Variants in CHD5 observed in about 807,000 individuals in gnomAD.
The protein encoded by CHD5 is ATP-dependent chromatin remodeler CHD5.
CHD5 carries 69 observed loss-of-function variants against 230.3 expected under a neutral mutation model. That is an observed-to-expected ratio of 0.30 (90% confidence interval 0.25 to 0.37). CHD5 has a LOEUF of 0.37. Ranked by LOEUF, CHD5 falls within the 10% of genes least tolerant of loss-of-function variation. CHD5 has a pLI of 1.00. For synonymous variants in CHD5, 1,064 were observed against 1,065.9 expected (o/e 1.00, Z 0.03); for missense variants, 1,827 against 2,622.8 (o/e 0.70, Z 6.63).
intron 9 of CHD5, among the ~76,000 whole-genome samples, chr1:6,148,598 TCAC>T (rs1426660204): frequency 2.6e-5 from 4 of 152,118 alleles, no homozygotes; most frequent in Non-Finnish European, 5.9e-5. Flanking sequence ...GTTGGCATGA[TCAC>T]CACACCTGTC....
intron 1 of CHD5, among the ~76,000 whole-genome samples, chr1:6,173,108 CTTT>C (rs371953368): frequency 4.3e-5 from 6 of 138,078 alleles, no homozygotes; most frequent in Admixed American, 2.2e-4. Flanking sequence ...GGCGTTATTT[CTTT>C]TTTTTTTTTT....
intron 34 of CHD5, 52 bp downstream of exon 34, chr1:6,112,857 C>T: frequency 7.4e-7 from 1 of 1,355,330 alleles, no homozygotes; most frequent in East Asian, 2.3e-5. Context: ...GTCCAGAGGG[C>T]ACCCTCAAGG....
intron 2 of CHD5, among the ~76,000 whole-genome samples, chr1:6,163,904 G>T (rs982828190): frequency 2.6e-5 from 4 of 152,228 alleles, no homozygotes; most frequent in African/African-American, 7.2e-5. Context: ...GACTACAGGG[G>T]ACGCCCTACC....
chr1:6,139,259 T>C (rs1317681383), intron 15 of CHD5, among the ~76,000 whole-genome samples: 1 of 152,198 alleles, frequency 6.6e-6, no homozygotes. Context: ...GTTTTGGTTT[T>C]TCTGAGACAG....
chr1:6,154,880 C>A lies in CHD5; in HGVS notation c.525G>T (p.Lys175Asn). Residue 175 changes from lysine (K) to asparagine (N), a missense_variant, in exon 5 of 42, where the codon AAG becomes AAT. This residue lies in a region of CHD5 where 657 missense variants were observed against 816.4 expected (regional missense o/e 0.80). Transcript: ENST00000262450. The surrounding 1 kb of genome is among the most constrained non-coding windows in gnomAD (Gnocchi z 7.0). The part of the protein sequence containing the change: ...SQFLRPLIAK[K>N]NPKIPMSKMM... ...TTTTGGACATGGGGATCTTCGGGTT[C>A]TTCTTGGCAATGAGTGGCCTGTAGG... 1 of 1,613,674 alleles carries A rather than the reference C, an allele frequency of 6.2e-7. No individual in the cohort carries two copies.
chr1:6,141,967 T>C (rs1473835550), intron 15 of CHD5, among the ~76,000 whole-genome samples, 161 bp downstream of exon 15: 1 of 152,184 alleles, frequency 6.6e-6, no homozygotes, highest in Non-Finnish European at 1.5e-5. Context: ...CCCAGAAAAC[T>C]GACATGGCTG....
intron 33 of CHD5, among the ~76,000 whole-genome samples, chr1:6,118,608 T>C (rs1463267927): frequency 6.6e-6 from 1 of 152,150 alleles, no homozygotes; most frequent in Non-Finnish European, 1.5e-5. Flanking sequence ...AAGAAGAATT[T>C]ATTTTTGAAG....
At chr1:6,119,864 ATTT>A (rs57522479) in intron 33 of CHD5, among the ~76,000 whole-genome samples, 8,498 of 137,364 alleles carry the variant, frequency 0.062, 432 homozygotes, top group East Asian at 0.25. Context: ...ATATATATAT[ATTT>A]TTTTTTTTTC....
chr1:6,135,191 G>A, intron 18 of CHD5, 39 bp downstream of exon 18: 2 of 1,612,230 alleles, frequency 1.2e-6, no homozygotes, highest in Admixed American at 3.3e-5. Context: ...CAGGGGAAAG[G>A]GCGAGCACAG....
At chr1:6,106,587 C>A in intron 39 of CHD5, 29 bp downstream of exon 39, 1 of 1,550,802 alleles carries the variant, frequency 6.4e-7, no homozygotes, top group Non-Finnish European at 8.7e-7. Context: ...CCAGGGGGCT[C>A]GGGCCGGGGC....
chr1:6,107,110 A>G (rs1666190431), intron 38 of CHD5, among the ~76,000 whole-genome samples: 2 of 128,512 alleles, frequency 1.6e-5, no homozygotes, highest in South Asian at 2.9e-4. Context: ...GGAGGGGTGG[A>G]AGGACGGAGG....
Position 6,130,116 on chromosome 1 carries a change from A to T in CHD5, c.3387+88T>A. On this transcript the variant is annotated intron_variant, in intron 22 of 41. Transcript: ENST00000262450. This position sits in a 1 kb window ranked among gnomAD's most constrained non-coding sequence, Gnocchi z 4.9. ...CAGCACCAGGATAGGTGAGGGGGTG[A>T]TGGCAAGAAGGGCATGAAGGACAGA... 2 of 1,486,004 alleles carry T rather than the reference A, an allele frequency of 1.3e-6. No individual in the cohort carries two copies. Among genetic ancestry groups the T allele is most frequent in the Non-Finnish European group, 1.9e-6 (2 of 1,077,878 alleles). The allele number at this position is 1,486,004 out of a possible 1,614,324, so 92.1% of individuals were successfully genotyped here.
At position 6,129,886 on chromosome 1, in the gene CHD5, C is replaced by T. The variant is rs1010778993; in HGVS notation, c.3387+318G>A. Among the ~76,000 whole-genome samples the T allele has an allele frequency of 6.6e-6, 1 of 152,176 alleles. No homozygotes were observed. The highest frequency in any genetic ancestry group is 1.5e-5 in the Non-Finnish European group (1 of 68,016). ...CCCAGGGCTCCCTCTTCCTGCCTCC[C>T]TCCACGGCCTTGGTCCTGAGGATGA... is the stretch of plus-strand genomic sequence containing the variant. On this transcript the variant is annotated intron_variant, in intron 22 of 41. Transcript: ENST00000262450. This position sits in a 1 kb window ranked among gnomAD's most constrained non-coding sequence, Gnocchi z 6.8.
Position 6,102,141 on chromosome 1 carries a change from CT to C in CHD5, c.*3332del. 3.3e-6 allele frequency: 1 copy of C among 302,868 alleles called. No individual in the cohort carries two copies. The allele number at this position is 302,868 out of a possible 1,614,324, so 18.8% of individuals were successfully genotyped here. The stretch of plus-strand genomic sequence containing the variant: ...CCCCACGGGCCAGTGGGGACCCTCC[CT>C]TCCTCTCCAGGGGTGCTTGGGCTCC... On this transcript the variant is annotated 3_prime_UTR_variant, in exon 42 of 42. Transcript: ENST00000262450.
chr1:6,115,452 G>A (rs1486415253), intron 33 of CHD5, among the ~76,000 whole-genome samples: 1 of 152,142 alleles, frequency 6.6e-6, no homozygotes, highest in African/African-American at 2.4e-5. Flanking sequence ...ACAGGGAGAT[G>A]ACCTGAGTAG....
At position 6,121,952 on chromosome 1, in the gene CHD5, G is replaced by T. The variant is rs1666479320; in HGVS notation, c.4700-379C>A. Among the ~76,000 whole-genome samples the T allele has an allele frequency of 6.6e-6, 1 of 152,220 alleles. No homozygotes were observed. Among genetic ancestry groups the T allele is most frequent in the African/African-American group, 2.4e-5 (1 of 41,456 alleles). On this transcript the variant is annotated intron_variant, in intron 31 of 41. Coordinates refer to ENST00000262450, the MANE Select transcript of CHD5 (RefSeq NM_015557.3). The surrounding 1 kb of genome is among the most constrained non-coding windows in gnomAD (Gnocchi z 4.5). ...GCTGGTGTGTGCCTCTGGACAGGGG[G>T]TGAATTTCCTCCCTGCCAAGCCAGC...
At position 6,105,448 on chromosome 1, in the gene CHD5, G is replaced by C. The variant is rs572608192; in HGVS notation, c.*47-21C>G. ...CGTGGCTGCAAAACGCAAATCAGTG[G>C]GTTAAGCAGGTGGGCAGTTATAGGG... On this transcript the variant is annotated intron_variant, in intron 41 of 41. Transcript: ENST00000262450. The surrounding 1 kb of genome is among the most constrained non-coding windows in gnomAD (Gnocchi z 4.8). 6.4e-6 allele frequency: 3 copies of C among 469,950 alleles called. No homozygotes were observed. In the East Asian group the frequency reaches 2.1e-4, roughly 33 times the overall value. 29.1% of individuals were successfully genotyped at this position (469,950 alleles called of 1,614,324 possible). A position where few individuals can be genotyped will look rare whatever the true frequency, so the allele number is the denominator to read the frequency against.
chr1:6,117,298 A>G (rs950905277), intron 33 of CHD5, among the ~76,000 whole-genome samples: 6 of 152,250 alleles, frequency 3.9e-5, no homozygotes, highest in African/African-American at 1.4e-4. Flanking sequence ...TTAAATGATG[A>G]ATCCCCTATA....
rs1666133062 is a variant in CHD5, at chr1:6,104,699, A to G, written c.*775T>C. Reference sequence around the variant, plus strand: ...CCGGGGCCACAGGCCCCCCACTGGTAACAGAGTCCAGGGCCTTCAAGATGC... The same window carrying G: ...CCGGGGCCACAGGCCCCCCACTGGTGACAGAGTCCAGGGCCTTCAAGATGC... On this transcript the variant is annotated 3_prime_UTR_variant, in exon 42 of 42. Coordinates refer to ENST00000262450, the MANE Select transcript of CHD5 (RefSeq NM_015557.3). 1 of 142,070 alleles carries G rather than the reference A, an allele frequency of 7.0e-6. No homozygotes were observed. The highest frequency in any genetic ancestry group is 2.6e-5 in the African/African-American group (1 of 38,010). 8.8% of individuals were successfully genotyped at this position (142,070 alleles called of 1,614,324 possible).
Sources: allele counts gnomAD v4.1 joint callset (sites outside exome capture counted in the v4.1 genomes callset), GRCh38; gene constraint gnomAD v4.1.1; regional missense constraint gnomAD v4.1.1; non-coding constraint Gnocchi (gnomAD v3.1); transcripts MANE v1.5; gene names NCBI Gene and HGNC (gene_info 2026-07-23, HGNC 2026-07-21).